TMEM170A: variants seen among roughly 807,000 people sequenced by gnomAD.
TMEM170A encodes transmembrane protein 170A, also known as transmembrane protein 170.
Under a neutral mutation model 12.8 loss-of-function variants are expected in TMEM170A, and 18 were observed. That is an observed-to-expected ratio of 1.41 (90% CI 0.97 to 2.09). TMEM170A has a LOEUF of 2.09. Ranked by LOEUF, TMEM170A falls within the 30% of genes most tolerant of loss-of-function variation. The probability of loss-of-function intolerance (pLI) is 0.00; values close to 1 mark genes in which losing one functional copy is unlikely to be tolerated. For synonymous variants in TMEM170A, 107 were observed against 76.2 expected, an observed-to-expected ratio of 1.40 and a Z score of -2.11; for missense variants, 220 against 179.9, an observed-to-expected ratio of 1.22 and a Z score of -1.28.
intron 2 of TMEM170A, among the ~76,000 whole-genome samples, chr16:75,449,829 A>C (rs1484451235): frequency 6.6e-6 from 1 of 152,236 alleles, no homozygotes; most frequent in Non-Finnish European, 1.5e-5. Context: ...GTTGGATAGA[A>C]AGAAGCTTAA....
intron 1 of TMEM170A, 152 bp downstream of exon 1, chr16:75,464,316 C>G (rs901924728): frequency 1.4e-6 from 2 of 1,453,050 alleles, no homozygotes; most frequent in African/African-American, 3.0e-5. Context: ...GGGAAAGGGG[C>G]TCCGGGCGAG....
At chr16:75,455,229 C>T (rs775134242) in intron 1 of TMEM170A, among the ~76,000 whole-genome samples, 7 of 151,936 alleles carry the variant, frequency 4.6e-5, no homozygotes, top group Non-Finnish European at 8.8e-5. Flanking sequence ...AGGCAGCGGG[C>T]ACCTGTAGTC....
chr16:75,455,292 G>A (rs1025376305), intron 1 of TMEM170A, among the ~76,000 whole-genome samples: 5 of 149,822 alleles, frequency 3.3e-5, no homozygotes, highest in African/African-American at 1.2e-4. Flanking sequence ...GGGAGGCGGA[G>A]CTTGCAGTGA....
chr16:75,461,119 T>C (rs1429068530), intron 1 of TMEM170A, among the ~76,000 whole-genome samples: 1 of 152,190 alleles, frequency 6.6e-6, no homozygotes, highest in African/African-American at 2.4e-5. Flanking sequence ...AGTGGCATGA[T>C]GTCAGCTCAC....
intron 1 of TMEM170A, chr16:75,458,484 G>T (rs1439847390): frequency 6.6e-6 from 1 of 152,236 alleles, no homozygotes; most frequent in Non-Finnish European, 1.5e-5. Context: ...AAGAGTCAGA[G>T]AGATTTGAAG....
chr16:75,450,195 A>C (rs1201840839), intron 2 of TMEM170A, among the ~76,000 whole-genome samples: 3 of 151,880 alleles, frequency 2.0e-5, no homozygotes, highest in South Asian at 2.1e-4. Flanking sequence ...AAAAAAAAAA[A>C]AAACACCTCA....
At position 75,451,735 on chromosome 16, in the gene TMEM170A, T is replaced by C; in HGVS notation, c.238A>G (p.Arg80Gly). ...AACAGGATGCTTACAGACATGAACC[T>C]ACCATATTTGTGATGTCTGAGGGTG... ...LFTLRHHKYGRFMSVSILLMG... is the reference protein window; with the variant it reads ...LFTLRHHKYGGFMSVSILLMG... Residue 80 changes from arginine to glycine, a missense_variant, in exon 2 of 3, where the codon AGG (arginine) becomes GGG (glycine). Transcript: ENST00000561878. 6.2e-7 allele frequency: 1 copy of C among 1,614,134 alleles called. No individual in the cohort carries two copies.
At chr16:75,462,371 C>G (rs2079923731) in intron 1 of TMEM170A, among the ~76,000 whole-genome samples, 1 of 152,204 alleles carries the variant, frequency 6.6e-6, no homozygotes, top group Non-Finnish European at 1.5e-5. Flanking sequence ...AGGCACACAC[C>G]ACTACGCCTG....
chr16:75,445,926 C>T lies in TMEM170A; in HGVS notation c.*1632G>A. 1 of 152,092 alleles carries T rather than the reference C, an allele frequency of 6.6e-6. No individual in the cohort carries two copies. The highest frequency in any genetic ancestry group is 6.6e-5 in the Admixed American group (1 of 15,258). The allele number at this position is 152,092 out of a possible 1,614,324, so 9.4% of individuals were successfully genotyped here. ...GGCGCGGTGGCTCACGCCTGTAATC[C>T]CAGCACTTTGGGAGGCCGAGGCGGG... is the stretch of plus-strand genomic sequence containing the variant. On this transcript the variant is annotated 3_prime_UTR_variant, in exon 3 of 3. Coordinates refer to ENST00000561878, the MANE Select transcript of TMEM170A (RefSeq NM_145254.3).
chr16:75,443,218 AAAAG>A lies in TMEM170A; in HGVS notation c.*4336_*4339del, dbSNP rs1473560781. 2 of 152,258 alleles carry A rather than the reference AAAAG, an allele frequency of 1.3e-5. No homozygotes were observed. Among genetic ancestry groups the A allele is most frequent in the Non-Finnish European group, 2.9e-5 (2 of 68,042 alleles). The allele number at this position is 152,258 out of a possible 1,614,324, so 9.4% of individuals were successfully genotyped here. On this transcript the variant is annotated 3_prime_UTR_variant, in exon 3 of 3. Coordinates refer to ENST00000561878, the MANE Select transcript of TMEM170A (RefSeq NM_145254.3). ...AAAAGATTAAACTCATTAGCCACCA[AAAAG>A]AAATATAATTCCAACTCAGAATTGA...
chr16:75,463,905 C>G (rs1172775344), intron 1 of TMEM170A, among the ~76,000 whole-genome samples: 1 of 152,204 alleles, frequency 6.6e-6, no homozygotes, highest in Non-Finnish European at 1.5e-5. Flanking sequence ...CAGGTGGCAC[C>G]AGGTCTGGGA....
At position 75,448,763 on chromosome 16, in the gene TMEM170A, CA is replaced by C. The variant is rs756119851; in HGVS notation, c.305-1076del. ...TGGGCAACAGAACAAGATCCTGTCT[CA>C]AAAAAAAAAAGAACCGGCCAAGTAC... On this transcript the variant is annotated intron_variant, in intron 2 of 2. Coordinates refer to ENST00000561878, the MANE Select transcript of TMEM170A (RefSeq NM_145254.3). Among the ~76,000 whole-genome samples the C allele has an allele frequency of 3.2e-3, 443 of 137,164 alleles. 11 individuals carry two copies. Among genetic ancestry groups the C allele is most frequent in the Non-Finnish European group, 1.4e-3 (89 of 63,238 alleles). 90.0% of individuals were successfully genotyped at this position (137,164 alleles called of 152,430 possible).
At chr16:75,454,739 C>A (rs927788958) in intron 1 of TMEM170A, among the ~76,000 whole-genome samples, 1 of 152,152 alleles carries the variant, frequency 6.6e-6, no homozygotes, top group Non-Finnish European at 1.5e-5. Flanking sequence ...ATCTAAAGTG[C>A]CAGTATAGGT....
intron 1 of TMEM170A, among the ~76,000 whole-genome samples, chr16:75,462,240 G>A (rs767517775): frequency 6.6e-6 from 1 of 152,042 alleles, no homozygotes; most frequent in South Asian, 2.1e-4. Context: ...TTTTTGTTGA[G>A]ACAAAGCCTC....
intron 1 of TMEM170A, among the ~76,000 whole-genome samples, chr16:75,461,670 G>T (rs2079910592): frequency 6.6e-6 from 1 of 152,296 alleles, no homozygotes; most frequent in East Asian, 1.9e-4. Flanking sequence ...CAGCAGGGAG[G>T]TTATGTGTTT....
chr16:75,453,161 C>T (rs1401871183), intron 1 of TMEM170A, among the ~76,000 whole-genome samples: 2 of 152,168 alleles, frequency 1.3e-5, no homozygotes, highest in South Asian at 2.1e-4. Flanking sequence ...TAACTGGGCA[C>T]GGCAGCTCAC....
intron 1 of TMEM170A, among the ~76,000 whole-genome samples, chr16:75,454,491 C>T (rs1054760219): frequency 1.4e-5 from 2 of 147,240 alleles, no homozygotes; most frequent in African/African-American, 5.1e-5. Flanking sequence ...CAAAATTAGC[C>T]GGGCATGGTG....
chr16:75,450,242 A>T (rs2079659273), intron 2 of TMEM170A, among the ~76,000 whole-genome samples: 2 of 151,858 alleles, frequency 1.3e-5, no homozygotes, highest in Admixed American at 6.6e-5. Flanking sequence ...GCTTGATGCT[A>T]AGGTTTCAAT....
At chr16:75,451,956 T>C (rs2079695532) in intron 1 of TMEM170A, 117 bp from the exon 2 acceptor site, 7 of 966,160 alleles carry the variant, frequency 7.2e-6, no homozygotes, top group Admixed American at 3.0e-5. Flanking sequence ...TTTCCTTTTT[T>C]TTGAAAAATT....
Sources: gnomAD v4.1 joint callset for allele counts (sites outside exome capture counted in the v4.1 genomes callset) on GRCh38, gnomAD v4.1.1 for gene constraint, MANE v1.5 for transcripts, NCBI Gene and HGNC (gene_info 2026-07-23, HGNC 2026-07-21) for gene names.